Variants in JMY observed in about 807,000 individuals in gnomAD.
JMY encodes the protein junction mediating and regulatory protein, p53 cofactor.
Under a neutral mutation model 103.3 loss-of-function variants are expected in JMY, and 46 were observed. That is an observed-to-expected ratio of 0.45 (90% confidence interval 0.35 to 0.57). JMY has a LOEUF of 0.57. JMY is among the 20% of genes least tolerant of loss of function. JMY has a pLI of 0.00. For missense variants in JMY, 1,238 were observed against 1,255.2 expected (o/e 0.99, Z 0.21); for synonymous variants, 526 against 489.3 (o/e 1.07, Z -0.99).
At chr5:79,265,083 GC>G (rs1745545679) in intron 1 of JMY, among the ~76,000 whole-genome samples, 1 of 151,954 alleles carries the variant, frequency 6.6e-6, no homozygotes, top group South Asian at 2.1e-4. Context: ...CCGCCACCAT[GC>G]CTGGCTAATT....
At chr5:79,246,710 G>A (rs1186168893) in intron 1 of JMY, among the ~76,000 whole-genome samples, 4 of 152,082 alleles carry the variant, frequency 2.6e-5, no homozygotes. Context: ...GTAAAACCCT[G>A]TCTCTACTAA....
intron 2 of JMY, chr5:79,284,278 T>G (rs1746204715): frequency 6.8e-7 from 1 of 1,480,716 alleles, no homozygotes; most frequent in Admixed American, 1.7e-5. Flanking sequence ...TTCTTCAGCA[T>G]TTTTACTTTT....
At chr5:79,274,309 A>G (rs1745872526) in intron 1 of JMY, among the ~76,000 whole-genome samples, 1 of 152,002 alleles carries the variant, frequency 6.6e-6, no homozygotes, top group Admixed American at 6.6e-5. Context: ...TAGCGTTATA[A>G]TAGCTGCTTT....
intron 8 of JMY, among the ~76,000 whole-genome samples, chr5:79,313,641 T>A (rs1747117507): frequency 6.6e-6 from 1 of 152,244 alleles, no homozygotes; most frequent in African/African-American, 2.4e-5. Flanking sequence ...CAGTAGCATT[T>A]ATACATTTGA....
At chr5:79,279,649 A>G (rs1379334187) in intron 2 of JMY, among the ~76,000 whole-genome samples, 1 of 152,176 alleles carries the variant, frequency 6.6e-6, no homozygotes, top group East Asian at 1.9e-4. Context: ...CTAACGTATC[A>G]GGGTGGAGAG....
chr5:79,296,660 G>A (rs1041475590), intron 4 of JMY, among the ~76,000 whole-genome samples: 2 of 152,072 alleles, frequency 1.3e-5, no homozygotes, highest in East Asian at 1.9e-4. Context: ...ACTTATTTTC[G>A]AACCCTCATT....
chr5:79,237,792 C>T, intron 1 of JMY, 110 bp downstream of exon 1: 1 of 979,356 alleles, frequency 1.0e-6, no homozygotes, highest in Non-Finnish European at 1.5e-6. Flanking sequence ...GGTTGTTTTT[C>T]TGGACAAGCG....
chr5:79,272,289 T>C (rs1251278646), intron 1 of JMY, among the ~76,000 whole-genome samples: 2 of 152,174 alleles, frequency 1.3e-5, no homozygotes, highest in African/African-American at 4.8e-5. Flanking sequence ...CATATAATTG[T>C]GGCTTCCTTT....
intron 6 of JMY, among the ~76,000 whole-genome samples, chr5:79,303,441 A>G (rs1746796208): frequency 6.6e-6 from 1 of 152,088 alleles, no homozygotes; most frequent in Admixed American, 6.6e-5. Flanking sequence ...GTGGAGCAGG[A>G]TAGATACATA....
At chr5:79,306,513 TA>T (rs1746887056) in intron 7 of JMY, 52 bp downstream of exon 7, 1 of 1,203,092 alleles carries the variant, frequency 8.3e-7, no homozygotes, top group Non-Finnish European at 1.2e-6. Flanking sequence ...TTGCATGTTT[TA>T]GAGTGGATAA....
intron 2 of JMY, among the ~76,000 whole-genome samples, chr5:79,288,711 GTTTTGTTTTT>G (rs1306844827): frequency 6.7e-6 from 1 of 149,512 alleles, no homozygotes; most frequent in Non-Finnish European, 1.5e-5. Flanking sequence ...TTTTTGTTTT[GTTTTGTTTTT>G]TTTTGTTTGT....
intron 8 of JMY, 58 bp from the exon 9 acceptor site, chr5:79,314,199 G>T: frequency 1.3e-6 from 2 of 1,538,684 alleles, no homozygotes; most frequent in Non-Finnish European, 1.7e-6. Context: ...AAATAGGCAT[G>T]TGCTCATAAA....
At chr5:79,305,854 A>C (rs1001065343) in intron 6 of JMY, among the ~76,000 whole-genome samples, 1 of 152,150 alleles carries the variant, frequency 6.6e-6, no homozygotes, top group African/African-American at 2.4e-5. Context: ...TACATATTTT[A>C]TATAAGTAAA....
At chr5:79,268,113 C>T (rs978861941) in intron 1 of JMY, among the ~76,000 whole-genome samples, 1 of 152,098 alleles carries the variant, frequency 6.6e-6, no homozygotes, top group Admixed American at 6.5e-5. Context: ...TGTGGTGGTG[C>T]GCACCTGTAG....
At chr5:79,292,461 C>T (rs79417684) in intron 4 of JMY, among the ~76,000 whole-genome samples, 2 of 151,818 alleles carry the variant, frequency 1.3e-5, no homozygotes, top group Non-Finnish European at 1.5e-5. Context: ...ACGCACCCCC[C>T]CCAACACCTT....
At chr5:79,288,494 C>G (rs1746331187) in intron 2 of JMY, among the ~76,000 whole-genome samples, 1 of 152,034 alleles carries the variant, frequency 6.6e-6, no homozygotes, top group African/African-American at 2.4e-5. Context: ...GGTGTTTTAC[C>G]CAGAGACACA....
intron 3 of JMY, among the ~76,000 whole-genome samples, chr5:79,290,712 G>T (rs1258810756): frequency 6.6e-6 from 1 of 152,220 alleles, no homozygotes; most frequent in Non-Finnish European, 1.5e-5. Context: ...TGTCGGCCGG[G>T]CACGGTGGCT....
rs759076540 is a variant in JMY, at chr5:79,237,583, C to T, written c.933C>T (p.Thr311=). ...GWKILSQVLF[T]ETDDPEEYYE... ...AGATCCTCTCCCAGGTGCTCTTCAC[C>T]GAGACCGATGATCCCGAGGAGTATT... is the stretch of plus-strand genomic sequence containing the variant. Residue 311 remains threonine, a synonymous_variant, in exon 1 of 11, where the codon ACC becomes ACT. Transcript: ENST00000396137. 4 of 1,613,592 alleles carry T rather than the reference C, an allele frequency of 2.5e-6. No individual in the cohort carries two copies. The highest frequency in any genetic ancestry group is 1.7e-5 in the Admixed American group (1 of 60,000).
At chr5:79,286,264 G>T (rs1021935822) in intron 2 of JMY, among the ~76,000 whole-genome samples, 3 of 152,130 alleles carry the variant, frequency 2.0e-5, no homozygotes, top group African/African-American at 7.2e-5. Context: ...ACTCATAAAG[G>T]TAAAGACATT....
Sources: allele counts gnomAD v4.1 joint callset (sites outside exome capture counted in the v4.1 genomes callset), GRCh38; gene constraint gnomAD v4.1.1; transcripts MANE v1.5; gene names NCBI Gene and HGNC (gene_info 2026-07-23, HGNC 2026-07-21).